The following PPM1H variants were observed in gnomAD, a reference collection of about 807,000 sequenced individuals.
The protein encoded by PPM1H is protein phosphatase, Mg2+/Mn2+ dependent 1H.
PPM1H carries 27 observed loss-of-function variants against 54.9 expected under a neutral mutation model. The ratio of observed to expected loss-of-function variants is 0.49; its 90% CI spans 0.36 to 0.68. PPM1H has a LOEUF of 0.68. Ranked by LOEUF, PPM1H falls within the 30% of genes least tolerant of loss-of-function variation. The pLI is 0.00. For synonymous variants in PPM1H, 305 were observed against 270.8 expected (o/e 1.13, Z -1.24); for missense variants, 596 against 667.8 (o/e 0.89, Z 1.19).
intron 4 of PPM1H, among the ~76,000 whole-genome samples, chr12:62,770,136 T>G (rs1221488181): frequency 1.3e-5 from 2 of 152,124 alleles, no homozygotes; most frequent in Admixed American, 6.5e-5. Flanking sequence ...TTATTTTTTT[T>G]CCACCTGGGG....
At chr12:62,783,385 G>T (rs1187717124) in intron 4 of PPM1H, among the ~76,000 whole-genome samples, 1 of 152,040 alleles carries the variant, frequency 6.6e-6, no homozygotes, top group Non-Finnish European at 1.5e-5. Flanking sequence ...ATAAAAGCAG[G>T]AAGAAAAAAA....
chr12:62,895,501 T>C (rs1592660051), intron 1 of PPM1H, among the ~76,000 whole-genome samples: 1 of 152,266 alleles, frequency 6.6e-6, no homozygotes, highest in Non-Finnish European at 1.5e-5. Context: ...CAAATTCTAC[T>C]GCCCTACTGC....
intron 5 of PPM1H, among the ~76,000 whole-genome samples, chr12:62,728,792 C>A (rs1173782920): frequency 6.6e-6 from 1 of 152,106 alleles, no homozygotes; most frequent in South Asian, 2.1e-4. Context: ...GGAAGCTAGC[C>A]CTGGTTATGG....
chr12:62,763,429 A>C (rs342149), intron 4 of PPM1H, among the ~76,000 whole-genome samples: 1 of 152,032 alleles, frequency 6.6e-6, no homozygotes, highest in Non-Finnish European at 1.5e-5. Flanking sequence ...TCAGGAGCAG[A>C]GGTCCTGATT....
rs552148840 is a variant in PPM1H, at chr12:62,804,666, CTTTTTTTTTCTTT to C, written c.412-2519_412-2507del. On this transcript the variant is annotated intron_variant, in intron 2 of 9. Transcript: ENST00000228705. Reference sequence around the variant, plus strand: ...TTTAATGCTTCATTTTGGTTAATTTCTTTTTTTTTCTTTTTTTTTTTTTTTTTGAGACGGAGTC... The same window carrying C: ...TTTAATGCTTCATTTTGGTTAATTTCTTTTTTTTTTTTTTGAGACGGAGTC... 1.1e-3 allele frequency among the ~76,000 whole-genome samples: 142 copies of C among 134,316 alleles called. 4 individuals are homozygous for C. In the South Asian group the frequency reaches 0.027, roughly 25 times the overall value. The allele number at this position is 134,316 out of a possible 152,430, so 88.1% of individuals were successfully genotyped here. A position where few individuals can be genotyped will look rare whatever the true frequency, so the allele number is the denominator to read the frequency against.
At chr12:62,785,467 A>G (rs1418917596) in intron 4 of PPM1H, among the ~76,000 whole-genome samples, 5 of 152,234 alleles carry the variant, frequency 3.3e-5, no homozygotes, top group Admixed American at 6.5e-5. Context: ...GTGAACCACC[A>G]CGCCCGGCCA....
intron 1 of PPM1H, among the ~76,000 whole-genome samples, chr12:62,863,763 G>T (rs1869686026): frequency 1.3e-5 from 2 of 152,170 alleles, no homozygotes; most frequent in Admixed American, 1.3e-4. Flanking sequence ...GCTGGAAAAG[G>T]GTTCAGGGAT....
chr12:62,771,301 C>A (rs2076578556), intron 4 of PPM1H, among the ~76,000 whole-genome samples: 1 of 122,448 alleles, frequency 8.2e-6, no homozygotes, highest in Admixed American at 7.6e-5. Context: ...TGAAGACACA[C>A]ACACACACAC....
At chr12:62,731,965 A>G (rs2076323429) in intron 5 of PPM1H, among the ~76,000 whole-genome samples, 1 of 152,158 alleles carries the variant, frequency 6.6e-6, no homozygotes, top group Non-Finnish European at 1.5e-5. Flanking sequence ...TCCATCAACC[A>G]GACACCCTTC....
intron 1 of PPM1H, among the ~76,000 whole-genome samples, chr12:62,854,279 C>T (rs1217183877): frequency 6.6e-6 from 1 of 152,186 alleles, no homozygotes; most frequent in Non-Finnish European, 1.5e-5. Flanking sequence ...TGGATGGCCA[C>T]CCCACCTGCA....
At chr12:62,767,851 TTG>T (rs2076553407) in intron 4 of PPM1H, among the ~76,000 whole-genome samples, 1 of 152,212 alleles carries the variant, frequency 6.6e-6, no homozygotes, top group South Asian at 2.1e-4. Flanking sequence ...GTTCCTTGAC[TTG>T]TGTCTTCTTA....
intron 4 of PPM1H, among the ~76,000 whole-genome samples, chr12:62,779,366 G>T (rs1342344961): frequency 1.3e-5 from 2 of 152,168 alleles, no homozygotes; most frequent in African/African-American, 4.8e-5. Context: ...ATATTTCATG[G>T]ACACCTTGAA....
At chr12:62,757,084 G>A (rs568823501) in intron 4 of PPM1H, among the ~76,000 whole-genome samples, 4 of 152,260 alleles carry the variant, frequency 2.6e-5, no homozygotes, top group African/African-American at 9.6e-5. Context: ...AGAAACCCAT[G>A]GCCAAAGAGG....
At chr12:62,696,438 G>A (rs1592548856) in intron 6 of PPM1H, among the ~76,000 whole-genome samples, 1 of 152,154 alleles carries the variant, frequency 6.6e-6, no homozygotes, top group African/African-American at 2.4e-5. Flanking sequence ...CTCTCCCCCA[G>A]CAACTAACGA....
intron 1 of PPM1H, among the ~76,000 whole-genome samples, chr12:62,917,401 CAGTAAG>C (rs1871658273): frequency 6.6e-6 from 1 of 151,972 alleles, no homozygotes; most frequent in African/African-American, 2.4e-5. Flanking sequence ...CTGGAAGGGT[CAGTAAG>C]AGCTTTCAAT....
At chr12:62,912,246 T>C (rs572828506) in intron 1 of PPM1H, among the ~76,000 whole-genome samples, 2 of 152,346 alleles carry the variant, frequency 1.3e-5, no homozygotes, top group Admixed American at 1.3e-4. Flanking sequence ...ACTTACTGCC[T>C]AGGACAGTAA....
intron 8 of PPM1H, among the ~76,000 whole-genome samples, chr12:62,681,584 T>C (rs986304402): frequency 1.6e-4 from 25 of 152,184 alleles, no homozygotes; most frequent in Admixed American, 6.5e-4. Flanking sequence ...ATAAGGCAAA[T>C]TTTATTTCAC....
At chr12:62,825,855 G>A (rs879507802) in intron 2 of PPM1H, among the ~76,000 whole-genome samples, 12 of 151,222 alleles carry the variant, frequency 7.9e-5, no homozygotes, top group East Asian at 1.9e-4. Flanking sequence ...CATATTGTGC[G>A]CATGTACCCT....
At chr12:62,728,003 A>G (rs990923798) in intron 5 of PPM1H, among the ~76,000 whole-genome samples, 5 of 152,110 alleles carry the variant, frequency 3.3e-5, no homozygotes, top group African/African-American at 9.7e-5. Flanking sequence ...CTCCGATTAA[A>G]AAAAAAGGAT....
Sources: allele counts gnomAD v4.1 joint callset (sites outside exome capture counted in the v4.1 genomes callset), GRCh38; gene constraint gnomAD v4.1.1; transcripts MANE v1.5; gene names NCBI Gene and HGNC (gene_info 2026-07-23, HGNC 2026-07-21).